The following TRIM16 variants were observed in gnomAD, a reference collection of about 807,000 sequenced individuals.
TRIM16 encodes tripartite motif-containing protein 16.
TRIM16 carries 33 observed loss-of-function variants against 50.4 expected under a neutral mutation model. The ratio of observed to expected loss-of-function variants is 0.65; its 90% CI spans 0.50 to 0.88. The LOEUF is 0.88. Among genes scored for constraint, TRIM16 ranks in the 40% least tolerant of loss-of-function variants. The pLI is 0.00. For synonymous variants in TRIM16, 229 were observed against 270.7 expected (o/e 0.85, Z 1.51); for missense variants, 581 against 686.8 (o/e 0.85, Z 1.72).
chr17:15,677,389 T>A (rs1988995169), intron 5 of TRIM16, 109 bp from the exon 6 acceptor site: 1 of 915,400 alleles, frequency 1.1e-6, no homozygotes. Context: ...AATAACTAAT[T>A]GTCAAAAGCA....
chr17:15,637,058 C>G (rs1397460096), intron 8 of TRIM16, among the ~76,000 whole-genome samples: 1 of 148,696 alleles, frequency 6.7e-6, no homozygotes, highest in African/African-American at 2.5e-5. Flanking sequence ...CGGTAGCCAC[C>G]CCATCTGGGA....
intron 6 of TRIM16, among the ~76,000 whole-genome samples, chr17:15,672,790 T>C (rs1336901671): frequency 6.6e-6 from 1 of 152,190 alleles, no homozygotes; most frequent in Non-Finnish European, 1.5e-5. Context: ...ACCATACTAC[T>C]AACAGTACAG....
chr17:15,645,782 C>T (rs935682583), intron 7 of TRIM16, among the ~76,000 whole-genome samples: 9 of 152,206 alleles, frequency 5.9e-5, no homozygotes, highest in Non-Finnish European at 1.2e-4. Flanking sequence ...GAAATGTTTG[C>T]TCAGGCTCCA....
chr17:15,657,689 C>A (rs1465709133), intron 6 of TRIM16, among the ~76,000 whole-genome samples: 1 of 152,196 alleles, frequency 6.6e-6, no homozygotes, highest in East Asian at 1.9e-4. Flanking sequence ...CTTCAAGGTT[C>A]ATTCATATCG....
chr17:15,659,351 C>T lies in TRIM16; in HGVS notation c.-337-7405G>A, dbSNP rs928615302. 2.0e-5 allele frequency among the ~76,000 whole-genome samples: 3 copies of T among 152,142 alleles called. No individual in the cohort carries two copies. In the East Asian group the frequency reaches 5.8e-4, roughly 29 times the overall value. ...GGCACCGCTTTGATCACTTCTCAGACCACCCAAGCTTACGGGGCCAGAATT... is the reference window on the plus strand; with the variant it reads ...GGCACCGCTTTGATCACTTCTCAGATCACCCAAGCTTACGGGGCCAGAATT... On this transcript the variant is annotated intron_variant, in intron 6 of 11. Transcript: ENST00000649191.
intron 9 of TRIM16, among the ~76,000 whole-genome samples, chr17:15,633,854 C>G (rs1207371018): frequency 6.6e-6 from 1 of 150,746 alleles, no homozygotes; most frequent in African/African-American, 2.4e-5. Flanking sequence ...AATAAGTTAT[C>G]ATACACTAGA....
At chr17:15,658,918 A>C (rs1012948614) in intron 6 of TRIM16, 1 of 966,342 alleles carries the variant, frequency 1.0e-6, no homozygotes, top group African/African-American at 1.8e-5. Context: ...TTGGTAATTA[A>C]TTACCACTAA....
chr17:15,680,042 T>C (rs163380), intron 4 of TRIM16, among the ~76,000 whole-genome samples: 46,217 of 151,688 alleles, frequency 0.3, 8,494 homozygotes, highest in African/African-American at 0.51. Flanking sequence ...ACAACACCTC[T>C]GTGATTTCAA....
intron 6 of TRIM16, among the ~76,000 whole-genome samples, chr17:15,664,984 A>G: frequency 6.8e-6 from 1 of 146,824 alleles, no homozygotes; most frequent in Admixed American, 6.9e-5. Context: ...GTGAGCAGAG[A>G]TGGCACCATT....
chr17:15,664,968 G>A (rs1032033864), intron 6 of TRIM16, among the ~76,000 whole-genome samples: 1 of 148,476 alleles, frequency 6.7e-6, no homozygotes, highest in East Asian at 2.0e-4. Flanking sequence ...GGAGGTGGAG[G>A]TTGCAGTGAG....
intron 11 of TRIM16, among the ~76,000 whole-genome samples, 175 bp from the exon 12 acceptor site, chr17:15,629,373 A>ATC (rs1986286641): frequency 6.6e-6 from 1 of 152,386 alleles, no homozygotes; most frequent in African/African-American, 2.4e-5. Context: ...ACCAGAAAAC[A>ATC]GAGAGCACAA....
chr17:15,683,085 T>A lies in TRIM16; in HGVS notation c.-826A>T. On this transcript the variant is annotated 5_prime_UTR_variant, in exon 2 of 12. In the 5' UTR this introduces an upstream ATG that the reference lacks. Coordinates refer to ENST00000649191, the MANE Select transcript of TRIM16 (RefSeq NM_001348119.1). ...AATCCTCCATAATCATAGCCTTTGC[T>A]TCACTATTTGGGTGTAGCAACCTTT... 1 of 1,550,634 alleles carries A rather than the reference T, an allele frequency of 6.4e-7. No individual in the cohort carries two copies. The highest frequency in any genetic ancestry group is 1.2e-5 in the South Asian group (1 of 84,064).
chr17:15,632,530 G>T lies in TRIM16; in HGVS notation c.994C>A (p.Leu332Ile). 1 of 1,612,788 alleles carries T rather than the reference G, an allele frequency of 6.2e-7. No homozygotes were observed. The highest frequency in any genetic ancestry group is 1.1e-5 in the South Asian group (1 of 90,870). Residue 332 changes from leucine (L) to isoleucine (I), a missense_variant, in exon 10 of 12, where the codon CTC (leucine) becomes ATC (isoleucine). By Grantham distance (5) the Leu-to-Ile change is conservative. Coordinates refer to ENST00000649191, the MANE Select transcript of TRIM16 (RefSeq NM_001348119.1). ...IQLLENYKKK[L>I]QEFSKEEEYD... ...TCACCTTCCTTGGAAAACTCCTGGA[G>T]CTTTTTCTTATAGTTCTCCAGCAAC...
chr17:15,645,346 CATTCATGTTCTGT>C (rs1012655415), intron 7 of TRIM16, among the ~76,000 whole-genome samples: 6 of 152,102 alleles, frequency 3.9e-5, no homozygotes, highest in Admixed American at 6.5e-5. Flanking sequence ...GGCTGCTTTC[CATTCATGTTCTGT>C]ATTCGAAGGC....
In TRIM16 at chr17:15,659,912, G is replaced by A. The variant is rs144896869; in HGVS notation, c.-337-7966C>T. ...AGGGCAGACTTATCTCAGGCCAGGT[G>A]TGAATGCCTCCAGGGCACTGAGAAG... On this transcript the variant is annotated intron_variant, in intron 6 of 11. Coordinates refer to ENST00000649191, the MANE Select transcript of TRIM16 (RefSeq NM_001348119.1). Among the ~76,000 whole-genome samples, 689 of 152,342 alleles carry A rather than the reference G, an allele frequency of 4.5e-3. 7 individuals are homozygous for A. Among genetic ancestry groups the A allele is most frequent in the African/African-American group, 0.016 (661 of 41,580 alleles).
At chr17:15,635,314 T>C (rs111771427) in intron 9 of TRIM16, among the ~76,000 whole-genome samples, 37 of 148,696 alleles carry the variant, frequency 2.5e-4, no homozygotes, top group Middle Eastern at 3.5e-3. Context: ...GATGTTGCAG[T>C]TTACCCCCAA....
intron 8 of TRIM16, among the ~76,000 whole-genome samples, chr17:15,636,907 G>C (rs1442990150): frequency 6.7e-6 from 1 of 149,366 alleles, no homozygotes; most frequent in Admixed American, 6.6e-5. Context: ...TGAATGATGG[G>C]GCACATGCAT....
At chr17:15,647,251 C>T (rs1407388532) in intron 7 of TRIM16, among the ~76,000 whole-genome samples, 3 of 151,174 alleles carry the variant, frequency 2.0e-5, no homozygotes, top group Non-Finnish European at 2.9e-5. Flanking sequence ...GGATTACAGG[C>T]GTGAGCCACC....
chr17:15,630,549 G>A (rs1986362330), intron 11 of TRIM16, among the ~76,000 whole-genome samples: 1 of 152,232 alleles, frequency 6.6e-6, no homozygotes, highest in South Asian at 2.1e-4. Flanking sequence ...CTGGTGCAGA[G>A]GCTTATGCCA....
Sources: gnomAD v4.1 joint callset for allele counts (sites outside exome capture counted in the v4.1 genomes callset) on GRCh38, gnomAD v4.1.1 for gene constraint, MANE v1.5 for transcripts, NCBI Gene and HGNC (gene_info 2026-07-23, HGNC 2026-07-21) for gene names.